The following GOLGA4 variants were observed in gnomAD, a reference collection of about 807,000 sequenced individuals.
GOLGA4 encodes golgin subfamily A member 4.
Under a neutral mutation model 265.9 loss-of-function variants are expected in GOLGA4, and 169 were observed. The ratio of observed to expected loss-of-function variants is 0.64; its 90% CI spans 0.56 to 0.72. GOLGA4 has a LOEUF of 0.72. Among genes scored for constraint, GOLGA4 ranks in the 30% least tolerant of loss-of-function variants. GOLGA4 has a pLI of 0.00. For synonymous variants in GOLGA4, 923 were observed against 855.8 expected, an observed-to-expected ratio of 1.08 and a Z score of -1.37; for missense variants, 2,482 against 2,483.4, an observed-to-expected ratio of 1.00 and a Z score of 0.01.
chr3:37,343,278 C>T (rs1008030580), intron 20 of GOLGA4, among the ~76,000 whole-genome samples: 28 of 152,242 alleles, frequency 1.8e-4, no homozygotes, highest in African/African-American at 5.1e-4. Context: ...TGCGCCTCCA[C>T]GCCTGGCTAA....
intron 20 of GOLGA4, among the ~76,000 whole-genome samples, chr3:37,345,636 TCAAGAAGAGA>T (rs1282340970): frequency 6.6e-6 from 1 of 152,130 alleles, no homozygotes; most frequent in Non-Finnish European, 1.5e-5. Context: ...TTGGGAGAAG[TCAAGAAGAGA>T]CACAAGTATT....
intron 5 of GOLGA4, among the ~76,000 whole-genome samples, chr3:37,292,074 C>T (rs2096866064): frequency 6.6e-6 from 1 of 152,094 alleles, no homozygotes; most frequent in South Asian, 2.1e-4. Context: ...TTAAAAGATG[C>T]TCCCTTGTAA....
chr3:37,302,332 G>C lies in GOLGA4; in HGVS notation c.1234G>C (p.Ala412Pro). The C allele has an allele frequency of 1.2e-6, 2 of 1,611,750 alleles. No homozygotes were observed. The highest frequency in any genetic ancestry group is 1.7e-6 in the Non-Finnish European group (2 of 1,178,752). The change falls in exon 10 of 24, where the codon GCT (alanine) becomes CCT (proline). Residue 412 changes from alanine (A) to proline (P), a missense_variant and splice_region_variant. Around this residue, in one of 3 missense-constraint regions of GOLGA4, gnomAD observed 1,536 missense variants for 1,483.7 expected, o/e 1.04. Coordinates refer to ENST00000361924, the MANE Select transcript of GOLGA4 (RefSeq NM_002078.5). The part of the protein sequence containing the change: ...REQKEKSERA[A>P]FEELEKALST... ...ACAGAAAGAAAAGTCCGAAAGAGCT[G>C]GTAAGAACTTGAGGGTTACTTGTTT...
At chr3:37,344,788 C>A (rs1330031593) in intron 20 of GOLGA4, among the ~76,000 whole-genome samples, 1 of 152,188 alleles carries the variant, frequency 6.6e-6, no homozygotes, top group Non-Finnish European at 1.5e-5. Context: ...CATACATACA[C>A]ATTCCTGGGA....
intron 5 of GOLGA4, among the ~76,000 whole-genome samples, chr3:37,289,576 A>G (rs936403543): frequency 6.6e-6 from 1 of 152,144 alleles, no homozygotes; most frequent in Non-Finnish European, 1.5e-5. Context: ...TCTGTTATGT[A>G]TTTCAGGCTT....
chr3:37,290,823 G>A (rs940546940), intron 5 of GOLGA4, among the ~76,000 whole-genome samples: 4 of 152,044 alleles, frequency 2.6e-5, no homozygotes, highest in African/African-American at 4.8e-5. Context: ...GATAGCTAGG[G>A]TATCCTCTTT....
intron 16 of GOLGA4, among the ~76,000 whole-genome samples, chr3:37,334,551 A>G (rs1578758641): frequency 6.6e-6 from 1 of 152,152 alleles, no homozygotes; most frequent in South Asian, 2.1e-4. Context: ...TGATCAGTAA[A>G]TTGCCATCTG....
intron 1 of GOLGA4, among the ~76,000 whole-genome samples, chr3:37,245,654 C>G (rs1352587469): frequency 1.3e-5 from 2 of 152,098 alleles, no homozygotes. Flanking sequence ...TATAAGAGCT[C>G]TGTTTCTATA....
rs916127895 is a variant in GOLGA4, at chr3:37,357,711, T to G, written c.6663+2524T>G. ...TCATTCATAAAATGAGCAATAAGAA[T>G]CACTGTCTTTGAACAAGTCTCTTGA... On this transcript the variant is annotated intron_variant, in intron 22 of 23. Coordinates refer to ENST00000361924, the MANE Select transcript of GOLGA4 (RefSeq NM_002078.5). 2.0e-5 allele frequency among the ~76,000 whole-genome samples: 3 copies of G among 152,312 alleles called. 1 individual carries two copies. The South Asian group carries it at 6.2e-4, about 32-fold the overall frequency.
intron 2 of GOLGA4, among the ~76,000 whole-genome samples, chr3:37,264,701 A>C (rs1436546954): frequency 6.6e-6 from 1 of 152,042 alleles, no homozygotes; most frequent in African/African-American, 2.4e-5. Context: ...TTAACTGCTA[A>C]ATTCATGTTT....
At chr3:37,323,370 C>G (rs1046210264) in intron 13 of GOLGA4, among the ~76,000 whole-genome samples, 3 of 152,112 alleles carry the variant, frequency 2.0e-5, no homozygotes, top group Non-Finnish European at 2.9e-5. Flanking sequence ...TTCAAGTGAT[C>G]TGCTCACCTC....
chr3:37,278,404 T>C (rs1367482633), intron 2 of GOLGA4, among the ~76,000 whole-genome samples: 1 of 152,162 alleles, frequency 6.6e-6, no homozygotes, highest in Non-Finnish European at 1.5e-5. Flanking sequence ...AGTTTCACCA[T>C]GTTGGCCAGT....
At chr3:37,295,943 CATTTTAT>C (rs2096877051) in intron 6 of GOLGA4, 137 bp from the exon 7 acceptor site, 1 of 663,380 alleles carries the variant, frequency 1.5e-6, no homozygotes, top group South Asian at 1.8e-5. Context: ...AATACTACAC[CATTTTAT>C]ATAATGGACT....
rs766263636 is a variant in GOLGA4 at position 37,323,966 on chromosome 3, T to C, written c.2080T>C (p.Ser694Pro). ...TELESLSSEL[S>P]EVLKARHKLE... ...ACTAGAATCATTATCTTCTGAACTG[T>C]CAGAAGTATTAAAAGCCCGTCACAA... The change falls in exon 14 of 24, where the codon TCA becomes CCA. Residue 694 changes from serine to proline, a missense_variant. Around this residue, in one of 3 missense-constraint regions of GOLGA4, gnomAD observed 1,536 missense variants for 1,483.7 expected, o/e 1.04. Transcript: ENST00000361924. The C allele has an allele frequency of 6.2e-7, 1 of 1,613,518 alleles. No individual in the cohort carries two copies. The highest frequency in any genetic ancestry group is 1.1e-5 in the South Asian group (1 of 91,050).
At chr3:37,362,889 TCTC>T (rs1182436736) in intron 23 of GOLGA4, among the ~76,000 whole-genome samples, 1 of 149,672 alleles carries the variant, frequency 6.7e-6, no homozygotes, top group African/African-American at 2.5e-5. Context: ...TTCACACCAT[TCTC>T]CTCCCTCAGC....
intron 7 of GOLGA4, among the ~76,000 whole-genome samples, chr3:37,298,075 C>G (rs1195321493): frequency 6.6e-6 from 1 of 151,996 alleles, no homozygotes; most frequent in African/African-American, 2.4e-5. Flanking sequence ...CAGACTGTTC[C>G]TGGAAGTGTC....
At chr3:37,289,867 C>G (rs1405394133) in intron 5 of GOLGA4, among the ~76,000 whole-genome samples, 2 of 152,170 alleles carry the variant, frequency 1.3e-5, no homozygotes, top group Non-Finnish European at 2.9e-5. Context: ...TTCTCCTATA[C>G]AGATCCCAAC....
At chr3:37,294,107 G>T (rs975157431) in intron 5 of GOLGA4, among the ~76,000 whole-genome samples, 1 of 152,294 alleles carries the variant, frequency 6.6e-6, no homozygotes, top group East Asian at 1.9e-4. Context: ...GTAATTACTG[G>T]TGGCTGGTTT....
chr3:37,292,644 A>G (rs6550469), intron 5 of GOLGA4, among the ~76,000 whole-genome samples: 76,338 of 151,676 alleles, frequency 0.5, 21,334 homozygotes, highest in African/African-American at 0.74. Flanking sequence ...CCTAGATCGC[A>G]CCACTGCACT....
Sources: allele counts gnomAD v4.1 joint callset (sites outside exome capture counted in the v4.1 genomes callset), GRCh38; gene constraint gnomAD v4.1.1; regional missense constraint gnomAD v4.1.1; transcripts MANE v1.5; gene names NCBI Gene and HGNC (gene_info 2026-07-23, HGNC 2026-07-21).